The following NLRC5 variants were observed in gnomAD, a reference collection of about 807,000 sequenced individuals.
NLRC5 encodes the protein protein NLRC5.
A neutral mutation model predicts 206.9 loss-of-function variants in NLRC5; 114 were observed. The ratio of observed to expected loss-of-function variants is 0.55; its 90% CI spans 0.47 to 0.64. The LOEUF (loss-of-function observed/expected upper bound fraction) is 0.64. Among genes scored for constraint, NLRC5 ranks in the 30% least tolerant of loss-of-function variants. The pLI is 0.00. For missense variants in NLRC5, 2,008 were observed against 2,305.5 expected, an observed-to-expected ratio of 0.87 and a Z score of 2.64; for synonymous variants, 952 against 962.8, an observed-to-expected ratio of 0.99 and a Z score of 0.21.
At chr16:57,034,091 C>G in intron 12 of NLRC5, 77 bp from the exon 13 acceptor site, 3 of 1,256,216 alleles carry the variant, frequency 2.4e-6, no homozygotes, top group Non-Finnish European at 3.4e-6. Context: ...CCTGACTCCC[C>G]CAGCATTGGA....
intron 1 of NLRC5, among the ~76,000 whole-genome samples, chr16:57,006,413 C>CTGTTTTTTT (rs2058909441): frequency 1.1e-5 from 1 of 90,818 alleles, no homozygotes; most frequent in Non-Finnish European, 2.1e-5. Flanking sequence ...TCTTCATCCT[C>CTGTTTTTTT]TTTTTTTTTT....
intron 8 of NLRC5, 96 bp downstream of exon 8, chr16:57,028,481 C>T: frequency 1.0e-6 from 1 of 973,000 alleles, no homozygotes. Flanking sequence ...CCAAGTCTGA[C>T]CAGTAGTTTT....
chr16:57,039,847 G>C lies in NLRC5; in HGVS notation c.2868G>C (p.Glu956Asp), dbSNP rs776094483. Residue 956 changes from glutamate to aspartate, a missense_variant and splice_region_variant, in exon 16 of 49, where the codon GAG becomes GAC. Transcript: ENST00000688547. ...CAGAGGAGCAGAAGGGGCCCCAGGA[G>C]AGGTAGGGCCCGATTTCACCCCAAC... ...QEPEEQKGPQ[E>D]RAAFLDSLML... 14 of 1,613,658 alleles carry C rather than the reference G, an allele frequency of 8.7e-6. No individual in the cohort carries two copies. In the South Asian group the frequency reaches 1.5e-4, roughly 18 times the overall value.
At chr16:57,008,920 A>G (rs1418411557) in intron 1 of NLRC5, among the ~76,000 whole-genome samples, 1 of 152,234 alleles carries the variant, frequency 6.6e-6, no homozygotes, top group Non-Finnish European at 1.5e-5. Context: ...CATAAGAGTT[A>G]CCAACGGCTG....
intron 1 of NLRC5, among the ~76,000 whole-genome samples, chr16:56,999,333 G>A: frequency 6.6e-6 from 1 of 152,230 alleles, no homozygotes; most frequent in African/African-American, 2.4e-5. Context: ...GAGAAGTTTA[G>A]TGGTAAGGTC....
intron 1 of NLRC5, among the ~76,000 whole-genome samples, chr16:56,995,134 A>G (rs1360236994): frequency 2.0e-5 from 3 of 152,200 alleles, no homozygotes; most frequent in Non-Finnish European, 4.4e-5. Context: ...AGATCGTGCC[A>G]TGCTCTCCAG....
chr16:57,052,872 A>C (rs1347949553), intron 24 of NLRC5: 1 of 152,256 alleles, frequency 6.6e-6, no homozygotes, highest in African/African-American at 2.4e-5. Flanking sequence ...GAAACCTCAG[A>C]CCGGAGAGGA....
chr16:57,021,803 G>A (rs900641323), intron 3 of NLRC5, among the ~76,000 whole-genome samples: 3 of 152,172 alleles, frequency 2.0e-5, no homozygotes, highest in Non-Finnish European at 4.4e-5. Flanking sequence ...GGGAAACACA[G>A]GACATTGAGG....
chr16:57,055,213 C>A, intron 26 of NLRC5, 119 bp downstream of exon 26: 1 of 1,129,238 alleles, frequency 8.9e-7, no homozygotes, highest in Non-Finnish European at 1.3e-6. Flanking sequence ...CCTGGAACAA[C>A]CCTGCAGAGG....
chr16:57,013,523 A>G, intron 1 of NLRC5: 1 of 825,208 alleles, frequency 1.2e-6, no homozygotes. Context: ...TGCTTTCATC[A>G]TTACAGTACA....
chr16:57,079,320 G>C lies in NLRC5; in HGVS notation c.5237+28G>C, dbSNP rs776004875. 2.5e-6 allele frequency: 4 copies of C among 1,611,152 alleles called. No individual in the cohort carries two copies. In the African/African-American group the frequency reaches 5.3e-5, roughly 22 times the overall value. On this transcript the variant is annotated intron_variant, in intron 45 of 48. Transcript: ENST00000688547. The stretch of plus-strand genomic sequence containing the variant: ...AAGTAGCCTCCCCTGCCTGCCTAGG[G>C]GACCAGTGGCAGGCTGAGGGCAGCC...
Position 57,028,327 on chromosome 16 carries a change from C to G in NLRC5, c.2185C>G (p.Arg729Gly), listed in dbSNP as rs775880379. The G allele has an allele frequency of 2.5e-6, 4 of 1,614,000 alleles. No individual in the cohort carries two copies. Among genetic ancestry groups the G allele is most frequent in the Admixed American group, 1.7e-5 (1 of 59,998 alleles). Residue 729 changes from arginine (R) to glycine (G), a missense_variant, in exon 8 of 49, where the codon CGA (arginine) becomes GGA (glycine). Arg to Gly is a moderately radical substitution (Grantham distance 125). Coordinates refer to ENST00000688547, the MANE Select transcript of NLRC5 (RefSeq NM_001384950.1). Reference protein sequence around the residue: ...LGLAGSKITARGISHLVKALP... With the variant: ...LGLAGSKITAGGISHLVKALP... ...GTTAGCAGGAAGTAAAATCACTGCC[C>G]GAGGCATCAGCCACCTGGTGAAAGC...
intron 46 of NLRC5, chr16:57,080,755 C>T: frequency 4.4e-6 from 1 of 228,212 alleles, no homozygotes; most frequent in Non-Finnish European, 8.7e-6. Context: ...GCGTGAGCAA[C>T]CACGCCCAGC....
At chr16:57,057,251 T>A (rs2065794393) in intron 27 of NLRC5, among the ~76,000 whole-genome samples, 1 of 152,036 alleles carries the variant, frequency 6.6e-6, no homozygotes, top group Non-Finnish European at 1.5e-5. Context: ...TGAAAACCCG[T>A]CTCTACTAAA....
At chr16:56,997,348 G>A (rs1291625773) in intron 1 of NLRC5, among the ~76,000 whole-genome samples, 1 of 152,154 alleles carries the variant, frequency 6.6e-6, no homozygotes, top group Non-Finnish European at 1.5e-5. Context: ...AACAGCCAAT[G>A]AGCATTGGCT....
At chr16:57,075,756 G>C (rs1426539157) in intron 39 of NLRC5, among the ~76,000 whole-genome samples, 2 of 152,100 alleles carry the variant, frequency 1.3e-5, no homozygotes, top group African/African-American at 4.8e-5. Flanking sequence ...GCATTGCTTT[G>C]TTTATATCCA....
At chr16:56,991,303 G>C (rs528745956) in intron 1 of NLRC5, among the ~76,000 whole-genome samples, 26 of 151,810 alleles carry the variant, frequency 1.7e-4, no homozygotes, top group African/African-American at 6.0e-4. Context: ...AGCCTCCTCA[G>C]ACCCCAACAC....
At chr16:57,042,116 T>G in intron 19 of NLRC5, 51 bp downstream of exon 19, 1 of 1,190,116 alleles carries the variant, frequency 8.4e-7, no homozygotes, top group East Asian at 2.7e-5. Context: ...GGGGGGAGCA[T>G]TCTCTGTCCC....
intron 1 of NLRC5, among the ~76,000 whole-genome samples, chr16:56,996,233 A>G (rs2057594029): frequency 6.6e-6 from 1 of 152,128 alleles, no homozygotes; most frequent in East Asian, 1.9e-4. Flanking sequence ...CACTGGTTGC[A>G]CAGCTCCGTG....
Sources: gnomAD v4.1 joint callset for allele counts (sites outside exome capture counted in the v4.1 genomes callset) on GRCh38, gnomAD v4.1.1 for gene constraint, MANE v1.5 for transcripts, NCBI Gene and HGNC (gene_info 2026-07-23, HGNC 2026-07-21) for gene names.